Variants in HS3ST5 observed in about 807,000 individuals in gnomAD.
HS3ST5 encodes heparan sulfate glucosamine 3-O-sulfotransferase 5.
Under a neutral mutation model 25.4 loss-of-function variants are expected in HS3ST5, and 10 were observed. That is an observed-to-expected ratio of 0.39 (90% CI 0.24 to 0.67). The LOEUF is 0.67. Ranked by LOEUF, HS3ST5 falls within the 30% of genes least tolerant of loss-of-function variation. The probability of loss-of-function intolerance (pLI) is 0.44; values close to 1 mark genes in which losing one functional copy is unlikely to be tolerated. For synonymous variants in HS3ST5, 170 were observed against 162.4 expected, an observed-to-expected ratio of 1.05 and a Z score of -0.36; for missense variants, 324 against 420.7, an observed-to-expected ratio of 0.77 and a Z score of 2.01.
intron 1 of HS3ST5, among the ~76,000 whole-genome samples, chr6:114,240,596 A>G (rs1451515433): frequency 6.6e-6 from 1 of 152,198 alleles, no homozygotes; most frequent in Non-Finnish European, 1.5e-5. Flanking sequence ...GAAAAACTGC[A>G]GTAGATGCAC....
At chr6:114,217,397 T>G (rs1781820937) in intron 2 of HS3ST5, among the ~76,000 whole-genome samples, 1 of 152,200 alleles carries the variant, frequency 6.6e-6, no homozygotes, top group African/African-American at 2.4e-5. Context: ...ACTCAATATA[T>G]GCATATGCAT....
intron 3 of HS3ST5, among the ~76,000 whole-genome samples, chr6:114,158,874 T>C (rs1778814828): frequency 1.3e-5 from 2 of 152,234 alleles, no homozygotes; most frequent in Admixed American, 6.5e-5. Flanking sequence ...CTTTTCTGCA[T>C]TCAATGCTGT....
At chr6:114,278,305 C>CA (rs1338333399) in intron 1 of HS3ST5, among the ~76,000 whole-genome samples, 1 of 151,922 alleles carries the variant, frequency 6.6e-6, no homozygotes, top group African/African-American at 2.4e-5. Flanking sequence ...CAATTTAAAG[C>CA]ATTATTCTTT....
chr6:114,314,651 A>C (rs913322313), intron 1 of HS3ST5, among the ~76,000 whole-genome samples: 2 of 152,286 alleles, frequency 1.3e-5, no homozygotes, highest in South Asian at 4.1e-4. Flanking sequence ...TCCTCTCTGG[A>C]GATATGGCCA....
chr6:114,077,418 T>C (rs1189025870), intron 3 of HS3ST5, among the ~76,000 whole-genome samples: 1 of 152,244 alleles, frequency 6.6e-6, no homozygotes, highest in African/African-American at 2.4e-5. Context: ...TTCTTTTCAC[T>C]GCATTAAACA....
intron 3 of HS3ST5, among the ~76,000 whole-genome samples, chr6:114,093,851 T>A (rs1775279886): frequency 6.6e-6 from 1 of 152,150 alleles, no homozygotes; most frequent in Non-Finnish European, 1.5e-5. Context: ...GGCAGGTACA[T>A]TAGATAATAG....
intron 2 of HS3ST5, among the ~76,000 whole-genome samples, chr6:114,174,758 G>T (rs1779644505): frequency 6.6e-6 from 1 of 152,126 alleles, no homozygotes; most frequent in East Asian, 1.9e-4. Flanking sequence ...ACTTTGGGAG[G>T]CCGAGGCAGG....
chr6:114,123,114 G>T (rs1000229575), intron 3 of HS3ST5, among the ~76,000 whole-genome samples: 4 of 152,030 alleles, frequency 2.6e-5, no homozygotes, highest in Non-Finnish European at 5.9e-5. Context: ...CCACCGCACC[G>T]GGCTAATTTT....
chr6:114,070,435 GT>G (rs1228646988), intron 3 of HS3ST5, among the ~76,000 whole-genome samples: 1 of 151,994 alleles, frequency 6.6e-6, no homozygotes, highest in Non-Finnish European at 1.5e-5. Flanking sequence ...TTTACCAAGG[GT>G]TTTTTTCATA....
At chr6:114,252,176 T>A (rs1772695476) in intron 1 of HS3ST5, among the ~76,000 whole-genome samples, 1 of 152,098 alleles carries the variant, frequency 6.6e-6, no homozygotes, top group Non-Finnish European at 1.5e-5. Flanking sequence ...AATCCATTAG[T>A]ACTCTAACAC....
In HS3ST5 at chr6:114,286,074, ATACT is replaced by A. The variant is rs373528041; in HGVS notation, c.-339+56117_-339+56120del. 1.5e-3 allele frequency among the ~76,000 whole-genome samples: 221 copies of A among 152,122 alleles called. 3 individuals carry two copies. The South Asian group carries it at 0.024, about 17-fold the overall frequency. On this transcript the variant is annotated intron_variant, in intron 1 of 4. Coordinates refer to ENST00000312719, the MANE Select transcript of HS3ST5 (RefSeq NM_153612.4). The stretch of plus-strand genomic sequence containing the variant: ...ATCTCTAGAGGTTGGATAACAAGTG[ATACT>A]TACTCCTTTCCCGGTGTCTACTTTT...
intron 2 of HS3ST5, among the ~76,000 whole-genome samples, chr6:114,228,282 C>T (rs1267650640): frequency 6.6e-6 from 1 of 152,082 alleles, no homozygotes; most frequent in Non-Finnish European, 1.5e-5. Context: ...TCATGTGACT[C>T]CTATGCACAT....
intron 1 of HS3ST5, among the ~76,000 whole-genome samples, chr6:114,292,937 GT>G (rs1407661588): frequency 0.016 from 2,350 of 144,182 alleles, 61 homozygotes; most frequent in African/African-American, 0.05. Context: ...GCTATTTTTT[GT>G]TTTTTTTTTT....
At chr6:114,246,006 G>A (rs960672126) in intron 1 of HS3ST5, among the ~76,000 whole-genome samples, 2 of 152,180 alleles carry the variant, frequency 1.3e-5, no homozygotes, top group South Asian at 4.1e-4. Context: ...AGCTTAAATG[G>A]TGGAGCAGGA....
chr6:114,319,057 G>A (rs980074245), intron 1 of HS3ST5, among the ~76,000 whole-genome samples: 1 of 152,010 alleles, frequency 6.6e-6, no homozygotes, highest in African/African-American at 2.4e-5. Context: ...ATAAGACAAA[G>A]TGGATATATT....
chr6:114,086,076 A>G (rs1203623752), intron 3 of HS3ST5, among the ~76,000 whole-genome samples: 2 of 151,842 alleles, frequency 1.3e-5, no homozygotes, highest in Admixed American at 6.6e-5. Context: ...AAACGGTTCT[A>G]TTTGAAAGTT....
chr6:114,113,514 C>T (rs1776369892), intron 3 of HS3ST5, among the ~76,000 whole-genome samples: 1 of 151,834 alleles, frequency 6.6e-6, no homozygotes, highest in South Asian at 2.1e-4. Flanking sequence ...TGATCTTCCT[C>T]TCCTTCAATG....
chr6:114,205,546 A>G (rs1375865791), intron 2 of HS3ST5, among the ~76,000 whole-genome samples: 3 of 152,154 alleles, frequency 2.0e-5, no homozygotes, highest in Non-Finnish European at 4.4e-5. Flanking sequence ...TTTCATAGGC[A>G]TGATTGATGA....
At chr6:114,250,476 G>A (rs1474617227) in intron 1 of HS3ST5, among the ~76,000 whole-genome samples, 5 of 151,946 alleles carry the variant, frequency 3.3e-5, no homozygotes, top group South Asian at 2.1e-4. Flanking sequence ...AGCTACTCGG[G>A]AGGCTGAGGC....
Sources: gnomAD v4.1 joint callset for allele counts (sites outside exome capture counted in the v4.1 genomes callset) on GRCh38, gnomAD v4.1.1 for gene constraint, MANE v1.5 for transcripts, NCBI Gene and HGNC (gene_info 2026-07-23, HGNC 2026-07-21) for gene names.